Variants in POLA1 observed in about 807,000 individuals in gnomAD.
The protein encoded by POLA1 is DNA polymerase alpha 1, catalytic subunit, also known as DNA polymerase alpha catalytic subunit.
In POLA1, 15 loss-of-function variants were observed where a neutral mutation model predicts 124.0. The ratio of observed to expected loss-of-function variants is 0.12; its 90% CI spans 0.08 to 0.19. The LOEUF is 0.19. Ranked by LOEUF, POLA1 falls within the 10% of genes least tolerant of loss-of-function variation. The pLI is 1.00. For missense variants in POLA1, 886 were observed against 1,103.4 expected (o/e 0.80, Z 2.79); for synonymous variants, 408 against 389.4 (o/e 1.05, Z -0.56).
chrX:24,955,134 G>GT (rs1381580709), intron 36 of POLA1, among the ~76,000 whole-genome samples: 1 of 107,232 alleles, frequency 9.3e-6, no homozygotes. Context: ...TTTGTTTTTG[G>GT]TTTTTTTCTC....
chrX:24,789,124 C>T, intron 26 of POLA1: 1 of 1,095,602 alleles, frequency 9.1e-7, no homozygotes. Context: ...ACTTTTACTA[C>T]TTCTGTTCTA....
chrX:24,947,410 G>A (rs1271381681), intron 36 of POLA1, among the ~76,000 whole-genome samples: 1 of 107,163 alleles, frequency 9.3e-6, no homozygotes, highest in Non-Finnish European at 1.9e-5. Context: ...TGTGACTACA[G>A]GCATGTGCCA....
At chrX:24,796,319 A>G (rs2045604761) in intron 26 of POLA1, among the ~76,000 whole-genome samples, 1 of 111,598 alleles carries the variant, frequency 9.0e-6, no homozygotes, top group Non-Finnish European at 1.9e-5. Context: ...CAGAGGCTTA[A>G]TACAATTATT....
chrX:24,929,471 A>G (rs1466990584), intron 35 of POLA1, among the ~76,000 whole-genome samples: 1 of 112,015 alleles, frequency 8.9e-6, no homozygotes, highest in African/African-American at 3.3e-5. Context: ...TGATCTTCTC[A>G]TTTGAAAAGT....
chrX:24,693,976 C>A lies in POLA1; in HGVS notation c.15C>A (p.His5Gln). The stretch of plus-strand genomic sequence containing the variant: ...GATTCGGGACCATGGCACCTGTGCA[C>A]GGCGACGACTGTGAGATAGGGGCGA... MAPV[H>Q]GDDCEIGASA... is the part of the protein sequence containing the mutation. The change falls in exon 1 of 37, where the codon CAC (histidine) becomes CAA (glutamine). Residue 5 changes from histidine (H) to glutamine (Q), a missense_variant. Physicochemically the swap from His to Gln is conservative, Grantham distance 24 (BLOSUM62 0). Around this residue, in one of 7 missense-constraint regions of POLA1, gnomAD observed 49 missense variants for 39.2 expected, o/e 1.25. Coordinates refer to ENST00000379068, the MANE Select transcript of POLA1 (RefSeq NM_001330360.2). 3 of 1,194,578 alleles carry A rather than the reference C, an allele frequency of 2.5e-6. No homozygotes were observed. The highest frequency in any genetic ancestry group is 3.4e-6 in the Non-Finnish European group (3 of 886,545).
chrX:24,945,321 G>T (rs1054693082), intron 36 of POLA1, among the ~76,000 whole-genome samples: 2 of 112,147 alleles, frequency 1.8e-5, no homozygotes, highest in African/African-American at 6.5e-5. Flanking sequence ...TATTTGAGTT[G>T]GTTTCTGCAG....
At chrX:24,906,738 G>GA (rs1165887482) in intron 35 of POLA1, among the ~76,000 whole-genome samples, 30 of 103,803 alleles carry the variant, frequency 2.9e-4, no homozygotes, top group South Asian at 1.7e-3. Flanking sequence ...CCTCCTGGGG[G>GA]AAAAAAAAAA....
At chrX:24,749,048 A>C in intron 26 of POLA1, 56 bp downstream of exon 26, 3 of 974,955 alleles carry the variant, frequency 3.1e-6, no homozygotes, top group African/African-American at 1.9e-5. Context: ...TTAACTATAC[A>C]TGTTATAGTG....
intron 3 of POLA1, among the ~76,000 whole-genome samples, chrX:24,703,784 C>T (rs1382613267): frequency 8.9e-6 from 1 of 111,870 alleles, no homozygotes; most frequent in East Asian, 2.8e-4. Flanking sequence ...AGAAAACTAC[C>T]TTCTCCCAGA....
intron 34 of POLA1, among the ~76,000 whole-genome samples, chrX:24,874,844 C>G (rs1393451502): frequency 9.0e-6 from 1 of 111,462 alleles, no homozygotes; most frequent in Non-Finnish European, 1.9e-5. Context: ...CCTGGTGATT[C>G]CAGTGTGCCA....
chrX:24,884,706 C>T (rs1203963450), intron 34 of POLA1, among the ~76,000 whole-genome samples: 1 of 111,212 alleles, frequency 9.0e-6, no homozygotes, highest in Non-Finnish European at 1.9e-5. Flanking sequence ...TTTTTCAGCC[C>T]CAGTTCCCTT....
intron 4 of POLA1, among the ~76,000 whole-genome samples, chrX:24,708,703 TAAGGTCACAGATCAAC>T (rs1472196790): frequency 1.7e-5 from 1 of 58,704 alleles, no homozygotes; most frequent in Non-Finnish European, 3.3e-5. Context: ...GGGTTGGGGG[TAAGGTCACAGATCAAC>T]AGGATCCCAA....
At chrX:24,699,695 C>A in intron 2 of POLA1, 146 bp downstream of exon 2, 1 of 393,919 alleles carries the variant, frequency 2.5e-6, no homozygotes, top group Non-Finnish European at 4.2e-6. Flanking sequence ...ATTGGACAAG[C>A]ATGGGTATGA....
chrX:24,952,007 T>C (rs1009327871), intron 36 of POLA1, among the ~76,000 whole-genome samples: 5 of 111,912 alleles, frequency 4.5e-5, no homozygotes, highest in African/African-American at 1.6e-4. Flanking sequence ...GCAAAACTCA[T>C]GCACGAGTTA....
intron 20 of POLA1, among the ~76,000 whole-genome samples, chrX:24,739,814 A>T (rs1931524759): frequency 8.9e-6 from 1 of 112,299 alleles, no homozygotes; most frequent in African/African-American, 3.2e-5. Flanking sequence ...TAATTCATTT[A>T]TTCAGGAATT....
intron 36 of POLA1, among the ~76,000 whole-genome samples, chrX:24,968,250 T>C (rs956766755): frequency 4.5e-5 from 5 of 111,913 alleles, no homozygotes; most frequent in African/African-American, 1.3e-4. Flanking sequence ...CAGTCCTTTA[T>C]TACCTTCCCA....
intron 35 of POLA1, among the ~76,000 whole-genome samples, chrX:24,916,287 C>CTTTTTTT (rs1301083848): frequency 0.037 from 3,531 of 94,995 alleles, 161 homozygotes; most frequent in African/African-American, 0.11. Flanking sequence ...TTTCTTTTTT[C>CTTTTTTT]TTTTTTTTTT....
chrX:24,888,670 G>A (rs752747823), intron 35 of POLA1, among the ~76,000 whole-genome samples: 3 of 93,264 alleles, frequency 3.2e-5, no homozygotes, highest in South Asian at 6.2e-4. Flanking sequence ...GCAGTGGCAC[G>A]ATCTCAGCTC....
intron 36 of POLA1, among the ~76,000 whole-genome samples, chrX:24,933,164 A>G (rs1039369006): frequency 8.9e-6 from 1 of 112,013 alleles, no homozygotes; most frequent in Non-Finnish European, 1.9e-5. Flanking sequence ...CACTCTAAAG[A>G]CATAGTTGGA....
Sources: gnomAD v4.1 joint callset for allele counts (sites outside exome capture counted in the v4.1 genomes callset) on GRCh38, gnomAD v4.1.1 for gene constraint, gnomAD v4.1.1 regional missense constraint, MANE v1.5 for transcripts, NCBI Gene and HGNC (gene_info 2026-07-23, HGNC 2026-07-21) for gene names.